Variants in RASGRP1 observed in about 807,000 individuals in gnomAD.
RASGRP1 encodes RAS guanyl releasing protein 1.
RASGRP1 carries 37 observed loss-of-function variants against 95.1 expected under a neutral mutation model. The observed-to-expected ratio is 0.39, with a 90% CI of 0.30 to 0.51. The LOEUF (loss-of-function observed/expected upper bound fraction) is 0.51. RASGRP1 is among the 20% of genes least tolerant of loss of function. The pLI is 0.80. For missense variants in RASGRP1, 711 were observed against 965.4 expected, an observed-to-expected ratio of 0.74 and a Z score of 3.49; for synonymous variants, 325 against 353.4, an observed-to-expected ratio of 0.92 and a Z score of 0.90.
intron 15 of RASGRP1, among the ~76,000 whole-genome samples, chr15:38,497,000 A>G (rs1890817676): frequency 2.0e-5 from 3 of 152,232 alleles, no homozygotes. Flanking sequence ...ATATTAACAT[A>G]TGGTACATAC....
chr15:38,521,943 G>A (rs1483603165), intron 3 of RASGRP1, among the ~76,000 whole-genome samples: 2 of 152,048 alleles, frequency 1.3e-5, no homozygotes, highest in Non-Finnish European at 2.9e-5. Context: ...TTCATTACAG[G>A]AGTATTATTT....
intron 8 of RASGRP1, among the ~76,000 whole-genome samples, chr15:38,511,294 A>G (rs576559104): frequency 6.6e-6 from 1 of 152,208 alleles, no homozygotes; most frequent in African/African-American, 2.4e-5. Flanking sequence ...GAGCGAGGGA[A>G]TCAGTGTCAA....
chr15:38,558,575 T>A (rs185139667), intron 2 of RASGRP1, among the ~76,000 whole-genome samples: 1 of 152,322 alleles, frequency 6.6e-6, no homozygotes, highest in Admixed American at 6.5e-5. Flanking sequence ...CAAATTCTTG[T>A]GCCCCACCCC....
chr15:38,524,866 G>T (rs925767492), intron 3 of RASGRP1, among the ~76,000 whole-genome samples: 1 of 152,050 alleles, frequency 6.6e-6, no homozygotes, highest in African/African-American at 2.4e-5. Context: ...GTAAGATTCT[G>T]TGAGAAGTAC....
chr15:38,544,133 A>G (rs1018592062), intron 2 of RASGRP1, among the ~76,000 whole-genome samples: 6 of 152,046 alleles, frequency 3.9e-5, no homozygotes, highest in African/African-American at 1.4e-4. Context: ...AAGTAGCCCA[A>G]CTCCTACATT....
chr15:38,527,930 T>C (rs140940829), intron 2 of RASGRP1, among the ~76,000 whole-genome samples: 22 of 152,212 alleles, frequency 1.4e-4, no homozygotes, highest in African/African-American at 5.1e-4. Context: ...CTGCACTCTG[T>C]CTGGGTGACA....
intron 2 of RASGRP1, among the ~76,000 whole-genome samples, chr15:38,538,609 G>T (rs1892750499): frequency 6.6e-6 from 1 of 152,118 alleles, no homozygotes; most frequent in Non-Finnish European, 1.5e-5. Context: ...AGAAACTGAG[G>T]CAAGGAAGTA....
chr15:38,540,840 C>A (rs1402017335), intron 2 of RASGRP1, among the ~76,000 whole-genome samples: 2 of 152,200 alleles, frequency 1.3e-5, no homozygotes, highest in Non-Finnish European at 2.9e-5. Context: ...TTTTATTTAG[C>A]TTTTCCAAAA....
chr15:38,551,301 T>C (rs1893329433), intron 2 of RASGRP1, among the ~76,000 whole-genome samples: 1 of 152,250 alleles, frequency 6.6e-6, no homozygotes, highest in Non-Finnish European at 1.5e-5. Context: ...AATATCGTGA[T>C]GGAGATACCC....
intron 2 of RASGRP1, among the ~76,000 whole-genome samples, chr15:38,535,245 T>A (rs557291650): frequency 1.3e-5 from 2 of 152,186 alleles, no homozygotes; most frequent in South Asian, 4.2e-4. Context: ...CTTTGGCATG[T>A]CCTTCTCCTC....
rs1890706919 is a variant in RASGRP1 at position 38,494,237 on chromosome 15, C to CCCT, written c.2259+142_2259+144dup. The CCCT allele has an allele frequency of 4.7e-6, 5 of 1,063,096 alleles. No homozygotes were observed. In the Admixed American group the frequency reaches 1.0e-4, roughly 21 times the overall value. 65.9% of individuals were successfully genotyped at this position (1,063,096 alleles called of 1,614,324 possible). A position where few individuals can be genotyped will look rare whatever the true frequency, so the allele number is the denominator to read the frequency against. ...CCTCCCTCTCTTCCTCCCTGTTTCTCCCTCCCTGTTTCTCCCCTCCTCCTT... is the reference window on the plus strand; with the variant it reads ...CCTCCCTCTCTTCCTCCCTGTTTCTCCCTCCTCCCTGTTTCTCCCCTCCTCCTT... On this transcript the variant is annotated intron_variant, in intron 16 of 16. Transcript: ENST00000310803.
chr15:38,547,360 A>G (rs994873334), intron 2 of RASGRP1, among the ~76,000 whole-genome samples: 1 of 152,060 alleles, frequency 6.6e-6, no homozygotes, highest in Admixed American at 6.5e-5. Context: ...ATGTGCTGCA[A>G]ACTTAACACC....
intron 15 of RASGRP1, among the ~76,000 whole-genome samples, chr15:38,496,738 T>C (rs1421489661): frequency 3.3e-5 from 5 of 151,956 alleles, no homozygotes; most frequent in Non-Finnish European, 5.9e-5. Context: ...AGATAGATAG[T>C]AAGGGGAAAG....
chr15:38,498,361 A>C (rs1047304938), intron 15 of RASGRP1, among the ~76,000 whole-genome samples: 6 of 152,184 alleles, frequency 3.9e-5, no homozygotes, highest in Middle Eastern at 3.2e-3. Flanking sequence ...TTTTGAATGC[A>C]CTATGCCTTT....
At chr15:38,515,932 G>A (rs945060589) in intron 6 of RASGRP1, among the ~76,000 whole-genome samples, 7 of 145,058 alleles carry the variant, frequency 4.8e-5, no homozygotes, top group Non-Finnish European at 9.2e-5. Context: ...TGTGTGTGAT[G>A]TGTGCCCACA....
chr15:38,545,704 A>G (rs892385247), intron 2 of RASGRP1, among the ~76,000 whole-genome samples: 8 of 152,318 alleles, frequency 5.3e-5, no homozygotes, highest in Middle Eastern at 3.4e-3. Flanking sequence ...AGACACATAC[A>G]TACACAGAAC....
chr15:38,545,301 C>G (rs1893065834), intron 2 of RASGRP1, among the ~76,000 whole-genome samples: 1 of 152,188 alleles, frequency 6.6e-6, no homozygotes, highest in African/African-American at 2.4e-5. Flanking sequence ...AGAAACTAAA[C>G]TTGAATCTAA....
chr15:38,501,550 T>C, intron 12 of RASGRP1: 1 of 575,818 alleles, frequency 1.7e-6, no homozygotes, highest in Non-Finnish European at 3.2e-6. Context: ...TTGACCACTA[T>C]CTATAAGACT....
At chr15:38,523,162 A>G (rs1489413794) in intron 3 of RASGRP1, among the ~76,000 whole-genome samples, 3 of 152,178 alleles carry the variant, frequency 2.0e-5, no homozygotes, top group Admixed American at 6.6e-5. Flanking sequence ...AGATACTAAC[A>G]CTATTAACTG....
Sources: allele counts gnomAD v4.1 joint callset (sites outside exome capture counted in the v4.1 genomes callset), GRCh38; gene constraint gnomAD v4.1.1; transcripts MANE v1.5; gene names NCBI Gene and HGNC (gene_info 2026-07-23, HGNC 2026-07-21).